The following KIF26B variants were observed in gnomAD, a reference collection of about 807,000 sequenced individuals.
KIF26B encodes kinesin family member 26B, also known as kinesin-like protein KIF26B.
A neutral mutation model predicts 151.2 loss-of-function variants in KIF26B; 63 were observed. The ratio of observed to expected loss-of-function variants is 0.42; its 90% CI spans 0.34 to 0.51. KIF26B has a LOEUF of 0.51. Among genes scored for constraint, KIF26B ranks in the 20% least tolerant of loss-of-function variants. KIF26B has a pLI of 0.07. For synonymous variants in KIF26B, 1,357 were observed against 1,262.1 expected (o/e 1.08, Z -1.59); for missense variants, 2,813 against 2,913.6 (o/e 0.97, Z 0.79).
intron 4 of KIF26B, among the ~76,000 whole-genome samples, chr1:245,527,484 G>A (rs1661261878): frequency 1.5e-5 from 2 of 134,226 alleles, no homozygotes; most frequent in African/African-American, 2.8e-5. Context: ...TAGGAATAAC[G>A]TCAGTTAACT....
intron 4 of KIF26B, among the ~76,000 whole-genome samples, chr1:245,521,063 C>T (rs889412342): frequency 3.9e-5 from 6 of 152,138 alleles, no homozygotes; most frequent in Admixed American, 2.0e-4. Context: ...ACAGGCTGGG[C>T]GTGGTGGCTC....
chr1:245,674,896 C>T (rs377117821), intron 10 of KIF26B, among the ~76,000 whole-genome samples: 12 of 152,290 alleles, frequency 7.9e-5, no homozygotes, highest in African/African-American at 2.6e-4. Flanking sequence ...ACACCTACTG[C>T]AAGCAATTAG....
intron 4 of KIF26B, among the ~76,000 whole-genome samples, chr1:245,486,233 A>G (rs1660277450): frequency 6.6e-6 from 1 of 152,238 alleles, no homozygotes; most frequent in African/African-American, 2.4e-5. Flanking sequence ...TAAGCATTTT[A>G]TGAAATCAGT....
intron 2 of KIF26B, among the ~76,000 whole-genome samples, chr1:245,225,795 C>T (rs914361373): frequency 1.3e-5 from 2 of 152,102 alleles, no homozygotes; most frequent in Non-Finnish European, 2.9e-5. Context: ...TATTTTAGTG[C>T]TTGGGATAAA....
intron 2 of KIF26B, among the ~76,000 whole-genome samples, chr1:245,214,542 T>G (rs1442814513): frequency 2.0e-5 from 3 of 152,156 alleles, no homozygotes; most frequent in Non-Finnish European, 4.4e-5. Context: ...GGGCGTCCAG[T>G]GCAGGTGTGC....
At chr1:245,584,346 C>A (rs1460732367) in intron 5 of KIF26B, among the ~76,000 whole-genome samples, 1 of 145,932 alleles carries the variant, frequency 6.9e-6, no homozygotes, top group East Asian at 2.0e-4. Flanking sequence ...TTATAAATAC[C>A]CAGACTTGGG....
chr1:245,681,411 G>C (rs750780844), intron 10 of KIF26B, among the ~76,000 whole-genome samples: 1 of 152,052 alleles, frequency 6.6e-6, no homozygotes. Flanking sequence ...GGGTTTCACC[G>C]TGTTAGCCAG....
chr1:245,295,517 A>C (rs1671321706), intron 2 of KIF26B, among the ~76,000 whole-genome samples: 1 of 152,184 alleles, frequency 6.6e-6, no homozygotes, highest in South Asian at 2.1e-4. Context: ...ATGAAATCAT[A>C]ATCCCTGCCT....
chr1:245,243,942 C>T (rs937431134), intron 2 of KIF26B, among the ~76,000 whole-genome samples: 3 of 152,016 alleles, frequency 2.0e-5, no homozygotes, highest in African/African-American at 4.8e-5. Flanking sequence ...TTTTATTTTT[C>T]CCTTTTTTGA....
chr1:245,159,678 C>T (rs1021187742), intron 2 of KIF26B, among the ~76,000 whole-genome samples: 3 of 152,300 alleles, frequency 2.0e-5, no homozygotes, highest in Middle Eastern at 3.4e-3. Flanking sequence ...TATGAGTTCT[C>T]ACACTGTGCC....
chr1:245,631,011 G>C (rs1187715967), intron 9 of KIF26B, among the ~76,000 whole-genome samples: 1 of 152,114 alleles, frequency 6.6e-6, no homozygotes, highest in Non-Finnish European at 1.5e-5. Context: ...AAATTTATCA[G>C]TTCTCAGAGT....
chr1:245,629,490 A>G (rs2043757485), intron 9 of KIF26B, among the ~76,000 whole-genome samples: 1 of 152,192 alleles, frequency 6.6e-6, no homozygotes, highest in South Asian at 2.1e-4. Flanking sequence ...AAAACAAGCA[A>G]TGGAGAAAGA....
intron 2 of KIF26B, among the ~76,000 whole-genome samples, chr1:245,233,445 G>T (rs767608596): frequency 1.1e-4 from 16 of 152,166 alleles, no homozygotes; most frequent in Non-Finnish European, 1.6e-4. Flanking sequence ...GAGGACCAGT[G>T]GAAAGATATT....
In KIF26B at chr1:245,692,876, G is replaced by A. The variant is rs2044645337; in HGVS notation, c.5824+4069G>A. ...TCTATGGTCAGCAAGATGAAATTGTGTATAGCCCAGAGCCAAGAATGAGCC... is the reference window on the plus strand; with the variant it reads ...TCTATGGTCAGCAAGATGAAATTGTATATAGCCCAGAGCCAAGAATGAGCC... On this transcript the variant is annotated intron_variant, in intron 12 of 14. Coordinates refer to ENST00000407071, the MANE Select transcript of KIF26B (RefSeq NM_018012.4). Among the ~76,000 whole-genome samples, 3 of 152,066 alleles carry A rather than the reference G, an allele frequency of 2.0e-5. 1 individual carries two copies. The highest frequency in any genetic ancestry group is 7.2e-5 in the African/African-American group (3 of 41,394).
At chr1:245,316,651 T>C (rs10802210) in intron 2 of KIF26B, among the ~76,000 whole-genome samples, 58,263 of 152,036 alleles carry the variant, frequency 0.38, 12,483 homozygotes, top group African/African-American at 0.56. Context: ...AATTCATTTA[T>C]CCTTGCCAGC....
chr1:245,656,911 G>A (rs1176953668), intron 10 of KIF26B, among the ~76,000 whole-genome samples: 1 of 152,084 alleles, frequency 6.6e-6, no homozygotes, highest in Admixed American at 6.6e-5. Context: ...GAGTAGTTAA[G>A]TTGTATCAAA....
At chr1:245,576,473 C>T (rs962360400) in intron 5 of KIF26B, among the ~76,000 whole-genome samples, 1 of 152,174 alleles carries the variant, frequency 6.6e-6, no homozygotes, top group Non-Finnish European at 1.5e-5. Flanking sequence ...GTGAGGTCAG[C>T]CTCTGTCAGC....
intron 5 of KIF26B, among the ~76,000 whole-genome samples, chr1:245,565,448 C>T (rs1448639230): frequency 6.6e-6 from 1 of 152,010 alleles, no homozygotes; most frequent in East Asian, 1.9e-4. Context: ...ACCACCACGC[C>T]CAGCTAATTT....
intron 5 of KIF26B, among the ~76,000 whole-genome samples, chr1:245,555,451 C>A (rs1013917122): frequency 1.3e-5 from 2 of 152,142 alleles, no homozygotes; most frequent in Non-Finnish European, 2.9e-5. Context: ...ACAGCTGCCA[C>A]CAGCAGACTG....
Sources: allele counts gnomAD v4.1 joint callset (sites outside exome capture counted in the v4.1 genomes callset), GRCh38; gene constraint gnomAD v4.1.1; transcripts MANE v1.5; gene names NCBI Gene and HGNC (gene_info 2026-07-23, HGNC 2026-07-21).